THEMIS: variants seen among roughly 807,000 people sequenced by gnomAD.
THEMIS encodes thymocyte selection associated.
THEMIS carries 37 observed loss-of-function variants against 52.6 expected under a neutral mutation model. The observed-to-expected ratio is 0.70, with a 90% CI of 0.54 to 0.93. THEMIS has a LOEUF of 0.93. THEMIS is among the 40% of genes least tolerant of loss of function. The pLI is 0.00. For missense variants in THEMIS, 808 were observed against 763.1 expected (o/e 1.06, Z -0.69); for synonymous variants, 292 against 272.7 (o/e 1.07, Z -0.70).
intron 4 of THEMIS, among the ~76,000 whole-genome samples, chr6:127,723,942 C>A (rs1774451715): frequency 6.6e-6 from 1 of 151,954 alleles, no homozygotes; most frequent in Non-Finnish European, 1.5e-5. Context: ...CTGTCTTGAG[C>A]TCTCATCTCA....
intron 1 of THEMIS, among the ~76,000 whole-genome samples, chr6:127,891,668 T>C (rs1780815947): frequency 6.6e-6 from 1 of 152,138 alleles, no homozygotes; most frequent in South Asian, 2.1e-4. Context: ...CTCTAGATTA[T>C]TGCAGTCTCC....
At chr6:127,746,083 T>A (rs577390472) in intron 4 of THEMIS, among the ~76,000 whole-genome samples, 2 of 152,006 alleles carry the variant, frequency 1.3e-5, no homozygotes, top group South Asian at 4.1e-4. Context: ...ACTCAGTTTA[T>A]ACCCAGCTAT....
intron 1 of THEMIS, among the ~76,000 whole-genome samples, chr6:127,891,023 C>G (rs1333943708): frequency 6.6e-6 from 1 of 151,924 alleles, no homozygotes; most frequent in Non-Finnish European, 1.5e-5. Context: ...TTTTTAATTG[C>G]CTAACTTGAA....
At chr6:127,855,523 C>G (rs553218364) in intron 1 of THEMIS, among the ~76,000 whole-genome samples, 1 of 151,932 alleles carries the variant, frequency 6.6e-6, no homozygotes, top group African/African-American at 2.4e-5. Context: ...TGCTGGGTCA[C>G]AAAATTAAGC....
chr6:127,770,000 A>G (rs971964423), intron 4 of THEMIS, among the ~76,000 whole-genome samples: 18 of 152,222 alleles, frequency 1.2e-4, no homozygotes, highest in Admixed American at 1.0e-3. Flanking sequence ...TATTTGCCAC[A>G]TTTTCTTAAT....
chr6:127,706,992 T>G (rs1315955797), downstream of THEMIS, among the ~76,000 whole-genome samples: 1 of 152,144 alleles, frequency 6.6e-6, no homozygotes, highest in Admixed American at 6.6e-5. Context: ...TCAGCATGGC[T>G]GGGGAGGCCT....
chr6:127,773,866 T>C (rs1776467912), intron 4 of THEMIS, among the ~76,000 whole-genome samples: 1 of 152,238 alleles, frequency 6.6e-6, no homozygotes, highest in Admixed American at 6.5e-5. Flanking sequence ...ATACAGTTAA[T>C]GGCTTATATT....
In THEMIS at chr6:127,757,526, A is replaced by G. The variant is rs1166691617; in HGVS notation, c.1759-37703T>C. Among the ~76,000 whole-genome samples the G allele has an allele frequency of 7.3e-5, 11 of 151,218 alleles. No homozygotes were observed. The East Asian group carries it at 1.2e-3, about 16-fold the overall frequency. ...GAGACGGAGTCTCGCTTTGTCGCCC[A>G]GGCTGGAGTGCAGTGGCGCTATCTC... On this transcript the variant is annotated intron_variant, in intron 4 of 5. Coordinates refer to ENST00000368248, the MANE Select transcript of THEMIS (RefSeq NM_001010923.3).
intron 2 of THEMIS, among the ~76,000 whole-genome samples, chr6:127,849,491 T>G (rs1006372739): frequency 6.6e-6 from 1 of 151,622 alleles, no homozygotes; most frequent in Non-Finnish European, 1.5e-5. Context: ...GAATTTCAAA[T>G]TATACTACAA....
intron 4 of THEMIS, among the ~76,000 whole-genome samples, chr6:127,811,051 C>A (rs547200503): frequency 1.4e-4 from 22 of 152,106 alleles, no homozygotes; most frequent in Middle Eastern, 3.4e-3. Flanking sequence ...AACAAACAAA[C>A]AACAACAAAA....
chr6:127,718,398 G>A (rs1298175335), intron 5 of THEMIS, among the ~76,000 whole-genome samples: 2 of 151,814 alleles, frequency 1.3e-5, no homozygotes, highest in Non-Finnish European at 1.5e-5. Flanking sequence ...CAAGTAATAC[G>A]TTCAAAGCAG....
chr6:127,719,943 C>A (rs1257801147), intron 4 of THEMIS, 120 bp from the exon 5 acceptor site: 14 of 1,281,596 alleles, frequency 1.1e-5, no homozygotes, highest in Non-Finnish European at 1.4e-5. Context: ...TTTGACATGT[C>A]AAAGCAAGCT....
chr6:127,700,109 A>G, the THEMIS span, among the ~76,000 whole-genome samples: 1 of 151,884 alleles, frequency 6.6e-6, no homozygotes, highest in Non-Finnish European at 1.5e-5. Context: ...TCAAGTTTCA[A>G]TCATAATAAA....
At chr6:127,915,197 C>A (rs1221642408) in intron 1 of THEMIS, among the ~76,000 whole-genome samples, 3 of 150,832 alleles carry the variant, frequency 2.0e-5, no homozygotes, top group Admixed American at 6.6e-5. Flanking sequence ...GGAAAAAAAA[C>A]AAAATTGAAA....
chr6:127,718,178 C>G (rs1330162864), intron 5 of THEMIS, among the ~76,000 whole-genome samples: 1 of 151,764 alleles, frequency 6.6e-6, no homozygotes, highest in Admixed American at 6.6e-5. Context: ...GGAAGAAATA[C>G]TGTAATTATT....
chr6:127,769,174 A>G (rs1776293498), intron 4 of THEMIS, among the ~76,000 whole-genome samples: 1 of 152,208 alleles, frequency 6.6e-6, no homozygotes, highest in Non-Finnish European at 1.5e-5. Context: ...GATGCGAAGA[A>G]GAAAGAAACA....
intron 4 of THEMIS, among the ~76,000 whole-genome samples, chr6:127,784,290 T>C (rs1203641251): frequency 6.6e-6 from 1 of 152,064 alleles, no homozygotes; most frequent in East Asian, 1.9e-4. Context: ...ATGTAGATGA[T>C]GGGCTGATGG....
chr6:127,897,641 T>C (rs1189978352), intron 1 of THEMIS, among the ~76,000 whole-genome samples: 2 of 151,576 alleles, frequency 1.3e-5, no homozygotes, highest in Non-Finnish European at 3.0e-5. Context: ...ACTGATAATA[T>C]CGTGTTACTA....
In THEMIS at chr6:127,829,536, T is replaced by C; in HGVS notation, c.649A>G (p.Lys217Glu). The C allele has an allele frequency of 2.5e-6, 4 of 1,613,606 alleles. No individual in the cohort carries two copies. Among genetic ancestry groups the C allele is most frequent in the Non-Finnish European group, 3.4e-6 (4 of 1,179,798 alleles). The change falls in exon 3 of 6, where the codon AAA becomes GAA. Residue 217 changes from lysine (K) to glutamate (E), a missense_variant. By Grantham distance (56) the Lys-to-Glu change is moderately conservative. Coordinates refer to ENST00000368248, the MANE Select transcript of THEMIS (RefSeq NM_001010923.3). ...NKWDSTNPFP[K>E]DFYGTLILKP... ...AGAATCAGGGTACCATAAAAGTCTT[T>C]AGGAAATGGATTCGTTGAGTCCCAC...
Sources: gnomAD v4.1 joint callset for allele counts (sites outside exome capture counted in the v4.1 genomes callset) on GRCh38, gnomAD v4.1.1 for gene constraint, MANE v1.5 for transcripts, NCBI Gene and HGNC (gene_info 2026-07-23, HGNC 2026-07-21) for gene names.